The following ELN variants were observed in gnomAD, a reference collection of about 807,000 sequenced individuals.
The protein encoded by ELN is tropoelastin.
ELN carries 65 observed loss-of-function variants against 105.8 expected under a neutral mutation model. The ratio of observed to expected loss-of-function variants is 0.61; its 90% CI spans 0.50 to 0.75. ELN has a LOEUF of 0.75. Ranked by LOEUF, ELN falls within the 30% of genes least tolerant of loss-of-function variation. The pLI is 0.00. For synonymous variants in ELN, 368 were observed against 389.2 expected (o/e 0.95, Z 0.64); for missense variants, 882 against 969.4 (o/e 0.91, Z 1.20).
chr7:74,063,313 C>T lies in ELN; in HGVS notation c.1862C>T (p.Ala621Val). 6.4e-7 allele frequency: 1 copy of T among 1,550,636 alleles called. No homozygotes were observed. Among genetic ancestry groups the T allele is most frequent in the Non-Finnish European group, 8.7e-7 (1 of 1,148,208 alleles). Residue 621 changes from alanine to valine, a missense_variant, in exon 28 of 33, where the codon GCC becomes GTC. By Grantham distance (64) the Ala-to-Val change is moderately conservative. Transcript: ENST00000252034. This position sits in a 1 kb window ranked among gnomAD's most constrained non-coding sequence, Gnocchi z 4.1. ...TGAACTCGGTCTGTGTTCCCAGGAG[C>T]CGGACCCGCCGCCGCCGCTGCCGCA... is the stretch of plus-strand genomic sequence containing the variant. ...GVGIPGGVVG[A>V]GPAAAAAAAK... is the part of the protein sequence containing the mutation.
At chr7:74,045,448 TCA>T (rs1259157348) in intron 10 of ELN, 155 bp downstream of exon 10, 10 of 824,042 alleles carry the variant, frequency 1.2e-5, no homozygotes, top group Non-Finnish European at 1.8e-5. Flanking sequence ...CTGAAAAACC[TCA>T]GAGTGTGGCT....
Position 74,069,718 on chromosome 7 carries a change from G to A in ELN, c.*1018G>A, listed in dbSNP as rs1798667332. ...TTTTGATTGTTGATATTCTCTTTTG[G>A]TTTTATTGTTGTGGTTCATTGAAAA... On this transcript the variant is annotated 3_prime_UTR_variant, in exon 33 of 33. Coordinates refer to ENST00000252034, the MANE Select transcript of ELN (RefSeq NM_000501.4). 1 of 229,536 alleles carries A rather than the reference G, an allele frequency of 4.4e-6. No homozygotes were observed. The highest frequency in any genetic ancestry group is 8.6e-6 in the Non-Finnish European group (1 of 116,136). 14.2% of individuals were successfully genotyped at this position (229,536 alleles called of 1,614,324 possible).
chr7:74,043,587 G>A, intron 8 of ELN: 3 of 643,350 alleles, frequency 4.7e-6, no homozygotes, highest in Non-Finnish European at 8.5e-6. Flanking sequence ...GACTGCCTGA[G>A]TCTACGCAGC....
chr7:74,045,392 C>A (rs1457584229), intron 10 of ELN, 99 bp downstream of exon 10: 24 of 1,375,504 alleles, frequency 1.7e-5, no homozygotes, highest in Middle Eastern at 3.5e-4. Flanking sequence ...TGGCTCAGGG[C>A]CCTCTGGGTG....
intron 29 of ELN, among the ~76,000 whole-genome samples, chr7:74,064,143 G>A (rs1777215219): frequency 6.6e-6 from 1 of 151,562 alleles, no homozygotes; most frequent in Admixed American, 6.6e-5. Flanking sequence ...AAGAGGCCAG[G>A]CATGGTGGCT....
rs1554680886 is a variant in ELN at position 74,057,414 on chromosome 7, G to C, written c.1358-226G>C. On this transcript the variant is annotated intron_variant, in intron 21 of 32. Transcript: ENST00000252034. ...AGGAGCAGGAGTGCTGGGTGGGCTA[G>C]TGCCAGGTGCCCCAGGCGCAGTCCC... The C allele has an allele frequency of 6.6e-7, 1 of 1,514,560 alleles. No individual in the cohort carries two copies. Among genetic ancestry groups the C allele is most frequent in the South Asian group, 1.3e-5 (1 of 76,028 alleles). The allele number at this position is 1,514,560 out of a possible 1,614,324, so 93.8% of individuals were successfully genotyped here. A position where few individuals can be genotyped will look rare whatever the true frequency, so the allele number is the denominator to read the frequency against.
chr7:74,056,170 G>A, intron 19 of ELN, 101 bp from the exon 20 acceptor site: 1 of 1,503,938 alleles, frequency 6.6e-7, no homozygotes. Context: ...CAAGGCCTGG[G>A]GGAAATTTAC....
chr7:74,068,617 G>A (rs1353676629), intron 32 of ELN, 40 bp from the exon 33 acceptor site: 1 of 1,613,774 alleles, frequency 6.2e-7, no homozygotes, highest in South Asian at 1.1e-5. Flanking sequence ...GAAACTGAGA[G>A]GGGCCGGACT....
intron 4 of ELN, 103 bp downstream of exon 4, chr7:74,037,842 G>T: frequency 1.3e-6 from 2 of 1,516,768 alleles, no homozygotes; most frequent in Non-Finnish European, 1.8e-6. Context: ...ACAGGACAAG[G>T]AAGCCAACGG....
At chr7:74,044,447 C>T (rs1791983759) in intron 9 of ELN, among the ~76,000 whole-genome samples, 1 of 152,176 alleles carries the variant, frequency 6.6e-6, no homozygotes, top group African/African-American at 2.4e-5. Flanking sequence ...CTGCACCCCA[C>T]CCAAGCCCTG....
chr7:74,059,633 G>A (rs1796143060), intron 22 of ELN: 2 of 585,176 alleles, frequency 3.4e-6, no homozygotes, highest in East Asian at 2.9e-5. Context: ...GCAGTGAGTC[G>A]AGATCACGCC....
chr7:74,059,989 A>C lies in ELN; in HGVS notation c.1518A>C (p.Gly506=), dbSNP rs1050563530. The part of the protein sequence containing the change: ...GLAPGVGVAP[G]VGVAPGVGVA... ...CTCCTGGAGTTGGCGTGGCTCCTGG[A>C]GTTGGTGTGGCTCCTGGCGTTGGCG... is the stretch of plus-strand genomic sequence containing the variant. The change falls in exon 23 of 33, where the codon GGA becomes GGC. Residue 506 remains glycine, a synonymous_variant. Transcript: ENST00000252034. 2 of 1,610,410 alleles carry C rather than the reference A, an allele frequency of 1.2e-6. No homozygotes were observed. The highest frequency in any genetic ancestry group is 1.1e-5 in the South Asian group (1 of 90,884).
At position 74,060,125 on chromosome 7, in the gene ELN, C is replaced by G. The variant is rs1796299382; in HGVS notation, c.1577-15C>G. 6.2e-7 allele frequency: 1 copy of G among 1,614,088 alleles called. No homozygotes were observed. The highest frequency in any genetic ancestry group is 1.3e-5 in the African/African-American group (1 of 74,938). ...CCGCCTCCATCTCTAATCCCCCTCT[C>G]TCTCCCTCCCTCAGCTGCAGCAAAA... On this transcript the variant is annotated splice_polypyrimidine_tract_variant and intron_variant, in intron 23 of 32. Transcript: ENST00000252034.
In ELN at chr7:74,065,959, G is replaced by T; in HGVS notation, c.2048G>T (p.Gly683Val). Residue 683 changes from glycine to valine, a missense_variant, in exon 31 of 33, where the codon GGA (glycine) becomes GTA (valine). By Grantham distance (109) the Gly-to-Val change is moderately radical. Coordinates refer to ENST00000252034, the MANE Select transcript of ELN (RefSeq NM_000501.4). ...KAAKYGAAGLGGVLGGAGQFP... is the reference protein window; with the variant it reads ...KAAKYGAAGLVGVLGGAGQFP... ...CTCTTCTCAGGTGCTGCTGGCCTTG[G>T]AGGTGTCCTAGGGGGTGCCGGGCAG... 6.2e-7 allele frequency: 1 copy of T among 1,614,100 alleles called. No individual in the cohort carries two copies. The highest frequency in any genetic ancestry group is 1.1e-5 in the South Asian group (1 of 91,088).
At chr7:74,033,338 G>T (rs1375327370) in intron 1 of ELN, among the ~76,000 whole-genome samples, 3 of 152,226 alleles carry the variant, frequency 2.0e-5, no homozygotes, top group Non-Finnish European at 2.9e-5. Context: ...TGAGGGAGAG[G>T]GGGAGAAAGA....
chr7:74,035,761 G>T, intron 2 of ELN: 1 of 368,222 alleles, frequency 2.7e-6, no homozygotes, highest in Non-Finnish European at 5.2e-6. Context: ...TGAGAAAAAT[G>T]AAAATGAAGT....
rs1792043362 is a variant in ELN, at chr7:74,044,638, C to A, written c.470-584C>A. Reference sequence around the variant, plus strand: ...CCCCTGCCAGGGCCTGACCACCCCACCCAACATGTGACCTCCTGAATTCCC... The same window carrying A: ...CCCCTGCCAGGGCCTGACCACCCCAACCAACATGTGACCTCCTGAATTCCC... On this transcript the variant is annotated intron_variant, in intron 9 of 32. Transcript: ENST00000252034. Among the ~76,000 whole-genome samples, 3 of 152,234 alleles carry A rather than the reference C, an allele frequency of 2.0e-5. No individual in the cohort carries two copies. The South Asian group carries it at 6.2e-4, about 31-fold the overall frequency.
intron 25 of ELN, 104 bp from the exon 26 acceptor site, chr7:74,060,997 A>T: frequency 7.2e-7 from 1 of 1,379,562 alleles, no homozygotes; most frequent in Non-Finnish European, 1.0e-6. Context: ...TTGAGGAAGC[A>T]ATAGAGGCCA....
At chr7:74,059,109 G>A (rs1429630009) in intron 22 of ELN, among the ~76,000 whole-genome samples, 5 of 151,750 alleles carry the variant, frequency 3.3e-5, no homozygotes, top group South Asian at 2.1e-4. Context: ...AATTGTATGC[G>A]ATCCTCCCAC....
Sources: allele counts gnomAD v4.1 joint callset (sites outside exome capture counted in the v4.1 genomes callset), GRCh38; gene constraint gnomAD v4.1.1; non-coding constraint Gnocchi (gnomAD v3.1); transcripts MANE v1.5; gene names NCBI Gene and HGNC (gene_info 2026-07-23, HGNC 2026-07-21).